Variants in PTPRN2 observed in about 807,000 individuals in gnomAD.
PTPRN2 encodes protein tyrosine phosphatase receptor type N2, also known as receptor-type tyrosine-protein phosphatase N2.
In PTPRN2, 74 loss-of-function variants were observed where a neutral mutation model predicts 118.8. That is an observed-to-expected ratio of 0.62 (90% CI 0.52 to 0.76). The LOEUF (loss-of-function observed/expected upper bound fraction) is 0.76, where lower values mean the gene tolerates loss of function less well. Among genes scored for constraint, PTPRN2 ranks in the 30% least tolerant of loss-of-function variants. The probability of loss-of-function intolerance (pLI) is 0.00; values close to 1 mark genes in which losing one functional copy is unlikely to be tolerated. For synonymous variants in PTPRN2, 641 were observed against 608.0 expected (o/e 1.05, Z -0.80); for missense variants, 1,481 against 1,394.4 (o/e 1.06, Z -0.99).
chr7:157,702,566 G>T (rs538359732), intron 12 of PTPRN2, among the ~76,000 whole-genome samples: 4 of 152,200 alleles, frequency 2.6e-5, no homozygotes, highest in African/African-American at 7.2e-5. Flanking sequence ...ACCGGCAGGC[G>T]TGCTGCGGCG....
chr7:157,544,882 G>A (rs1186207602), intron 22 of PTPRN2, among the ~76,000 whole-genome samples: 4 of 151,806 alleles, frequency 2.6e-5, no homozygotes, highest in Non-Finnish European at 5.9e-5. Flanking sequence ...TGCATCGTGT[G>A]TGGGTGTGTA....
intron 14 of PTPRN2, among the ~76,000 whole-genome samples, chr7:157,648,951 G>C (rs535797641): frequency 3.7e-5 from 5 of 135,548 alleles, no homozygotes; most frequent in Admixed American, 7.6e-5. Context: ...GACCCATCCA[G>C]TGTGCACTGA....
At position 158,071,383 on chromosome 7, in the gene PTPRN2, T is replaced by C. The variant is rs1206967900; in HGVS notation, c.1723+9915A>G. Among the ~76,000 whole-genome samples the C allele has an allele frequency of 8.7e-4, 82 of 94,746 alleles. 1 individual carries two copies. Among genetic ancestry groups the C allele is most frequent in the African/African-American group, 2.4e-3 (56 of 23,172 alleles). 62.2% of individuals were successfully genotyped at this position (94,746 alleles called of 152,430 possible). A position where few individuals can be genotyped will look rare whatever the true frequency, so the allele number is the denominator to read the frequency against. On this transcript the variant is annotated intron_variant, in intron 11 of 22. Transcript: ENST00000389418. ...GAGGTGCTCATGGTGGTGGAGGTGC[T>C]CGTGGTGGAGGTGCTCGTGGTGGAG...
At position 157,622,631 on chromosome 7, in the gene PTPRN2, G is replaced by A. The variant is rs1803328034; in HGVS notation, c.2197-1122C>T. 6.6e-6 allele frequency among the ~76,000 whole-genome samples: 1 copy of A among 152,208 alleles called. No homozygotes were observed. The highest frequency in any genetic ancestry group is 1.5e-5 in the Non-Finnish European group (1 of 68,038). On this transcript the variant is annotated intron_variant, in intron 14 of 22. Coordinates refer to ENST00000389418, the MANE Select transcript of PTPRN2 (RefSeq NM_002847.5). The surrounding 1 kb of genome is among the most constrained non-coding windows in gnomAD (Gnocchi z 5.3). ...AACCCATGCAGCAAACACACACCCT[G>A]CTGTGCTGGCCCAGCTCACACGGGA...
Position 158,003,400 on chromosome 7 carries a change from C to T in PTPRN2, c.1723+77898G>A, listed in dbSNP as rs1308988429. On this transcript the variant is annotated intron_variant, in intron 11 of 22. Transcript: ENST00000389418. The surrounding 1 kb of genome is among the most constrained non-coding windows in gnomAD (Gnocchi z 5.0). ...CTGCACTCCAACCTGGGAGACACAGCGAGACTCCGTCTCAAAAAAAAAAAA... is the reference window on the plus strand; with the variant it reads ...CTGCACTCCAACCTGGGAGACACAGTGAGACTCCGTCTCAAAAAAAAAAAA... 3.3e-5 allele frequency among the ~76,000 whole-genome samples: 4 copies of T among 121,904 alleles called. No individual in the cohort carries two copies. Among genetic ancestry groups the T allele is most frequent in the Non-Finnish European group, 4.9e-5 (3 of 61,436 alleles). The allele number at this position is 121,904 out of a possible 152,430, so 80.0% of individuals were successfully genotyped here.
intron 2 of PTPRN2, among the ~76,000 whole-genome samples, chr7:158,375,850 G>A (rs1810458996): frequency 6.6e-6 from 1 of 152,034 alleles, no homozygotes; most frequent in African/African-American, 2.4e-5. Context: ...AAACTCCAGG[G>A]GAAGATCCCT....
At chr7:158,245,443 G>A (rs1047881440) in intron 3 of PTPRN2, among the ~76,000 whole-genome samples, 1 of 152,240 alleles carries the variant, frequency 6.6e-6, no homozygotes, top group African/African-American at 2.4e-5. Flanking sequence ...TTGAGTTTCA[G>A]TGATGAGGCC....
chr7:158,003,145 T>G lies in PTPRN2; in HGVS notation c.1723+78153A>C, dbSNP rs538493294. On this transcript the variant is annotated intron_variant, in intron 11 of 22. Transcript: ENST00000389418. The surrounding 1 kb of genome is among the most constrained non-coding windows in gnomAD (Gnocchi z 5.0). ...GAGGTAAAGGTAAGGCCGGGCGCGG[T>G]GGCTCACGCCTGTAATCCCAGCACT... Among the ~76,000 whole-genome samples, 4 of 152,176 alleles carry G rather than the reference T, an allele frequency of 2.6e-5. No individual in the cohort carries two copies. In the South Asian group the frequency reaches 8.3e-4, roughly 32 times the overall value.
intron 11 of PTPRN2, among the ~76,000 whole-genome samples, chr7:158,057,445 C>A (rs942381247): frequency 3.3e-5 from 5 of 152,204 alleles, no homozygotes; most frequent in African/African-American, 1.2e-4. Flanking sequence ...GATTCCATAA[C>A]ACAGTCAGTC....
At chr7:158,057,985 G>T (rs1014335960) in intron 11 of PTPRN2, among the ~76,000 whole-genome samples, 1 of 152,234 alleles carries the variant, frequency 6.6e-6, no homozygotes, top group South Asian at 2.1e-4. Context: ...TATACAGAAT[G>T]CTTCCTTAGT....
intron 3 of PTPRN2, among the ~76,000 whole-genome samples, chr7:158,240,029 T>C (rs953138788): frequency 2.6e-5 from 4 of 152,132 alleles, no homozygotes; most frequent in African/African-American, 7.2e-5. Flanking sequence ...GCGCCTCTCC[T>C]ACTAGTTAAA....
intron 1 of PTPRN2, among the ~76,000 whole-genome samples, chr7:158,556,824 G>A (rs1281117288): frequency 6.9e-5 from 10 of 145,944 alleles, no homozygotes; most frequent in African/African-American, 1.8e-4. Flanking sequence ...TCGCTCCCAC[G>A]CAGGTCAGGC....
At chr7:158,270,805 CT>C (rs746722596) in intron 3 of PTPRN2, among the ~76,000 whole-genome samples, 3,871 of 21,668 alleles carry the variant, frequency 0.18, 375 homozygotes, top group Non-Finnish European at 0.22. Context: ...GGACCACCCC[CT>C]CACCTGGACC....
intron 12 of PTPRN2, among the ~76,000 whole-genome samples, chr7:157,821,278 G>A (rs755518478): frequency 2.0e-5 from 3 of 152,218 alleles, no homozygotes; most frequent in Non-Finnish European, 4.4e-5. Flanking sequence ...GTTATGAGAG[G>A]CCTATAAGAC....
intron 12 of PTPRN2, among the ~76,000 whole-genome samples, chr7:157,797,963 C>T (rs73165858): frequency 0.083 from 12,560 of 152,198 alleles, 583 homozygotes; most frequent in Middle Eastern, 0.12. Context: ...ATTTCTTTAA[C>T]GATTATTTCT....
chr7:158,218,258 C>T (rs1420377242), intron 3 of PTPRN2, among the ~76,000 whole-genome samples: 1 of 152,090 alleles, frequency 6.6e-6, no homozygotes, highest in Non-Finnish European at 1.5e-5. Flanking sequence ...AAAAAGCTTA[C>T]AAGCCAGAAG....
chr7:158,469,829 A>G (rs1819715534), intron 2 of PTPRN2, among the ~76,000 whole-genome samples: 1 of 151,324 alleles, frequency 6.6e-6, no homozygotes, highest in African/African-American at 2.4e-5. Flanking sequence ...GTCCTATTGC[A>G]TCACAATGGG....
intron 2 of PTPRN2, among the ~76,000 whole-genome samples, chr7:158,325,750 G>A (rs1048123367): frequency 2.0e-5 from 3 of 152,150 alleles, no homozygotes; most frequent in Non-Finnish European, 4.4e-5. Context: ...GAACCCCGGC[G>A]GAGCAAGCAC....
chr7:158,324,866 A>T (rs1256407843), intron 2 of PTPRN2, among the ~76,000 whole-genome samples: 1 of 152,162 alleles, frequency 6.6e-6, no homozygotes, highest in African/African-American at 2.4e-5. Context: ...CTCTTGCCAC[A>T]CTTTGCTTAG....
Sources: gnomAD v4.1 joint callset for allele counts (sites outside exome capture counted in the v4.1 genomes callset) on GRCh38, gnomAD v4.1.1 for gene constraint, Gnocchi (gnomAD v3.1) non-coding constraint, MANE v1.5 for transcripts, NCBI Gene and HGNC (gene_info 2026-07-23, HGNC 2026-07-21) for gene names.